Variants in NEB observed in about 807,000 individuals in gnomAD.
The protein encoded by NEB is nemaline myopathy type 2.
In NEB, 512 loss-of-function variants were observed where a neutral mutation model predicts 952.2. That is an observed-to-expected ratio of 0.54 (90% confidence interval 0.50 to 0.58). The LOEUF (loss-of-function observed/expected upper bound fraction) is 0.58. Ranked by LOEUF, NEB falls within the 20% of genes least tolerant of loss-of-function variation. NEB has a pLI of 0.00. For missense variants in NEB, 8,428 were observed against 9,231.1 expected (o/e 0.91, Z 3.56); for synonymous variants, 2,900 against 3,149.8 (o/e 0.92, Z 2.66).
chr2:151,723,750 GTTTT>G (rs11308757), intron 8 of NEB, among the ~76,000 whole-genome samples: 1 of 51,364 alleles, frequency 1.9e-5, no homozygotes, highest in Non-Finnish European at 3.7e-5. Flanking sequence ...TGCCTTCTTT[GTTTT>G]TTTTTTTTTT....
chr2:151,640,651 C>T lies in NEB; in HGVS notation c.8389G>A (p.Gly2797Ser). ...DIASEFKYKE[G>S]YRKQLGHHIG... ...TGGTGGCCGAGCTGCTTACGATAGC[C>T]TTCTTTGTACTTGAACTAAAAGAAG... The change falls in exon 61 of 182, where the codon GGC (glycine) becomes AGC (serine). Residue 2797 changes from glycine to serine, a missense_variant. Around this residue, in one of 11 missense-constraint regions of NEB, gnomAD observed 1,772 missense variants for 1,960.3 expected, o/e 0.90. Transcript: ENST00000397345. 6.2e-7 allele frequency: 1 copy of T among 1,609,936 alleles called. No homozygotes were observed. The highest frequency in any genetic ancestry group is 8.5e-7 in the Non-Finnish European group (1 of 1,177,126).
At chr2:151,568,292 C>T in intron 112 of NEB, 24 bp downstream of exon 112, 1 of 1,607,448 alleles carries the variant, frequency 6.2e-7, no homozygotes, top group South Asian at 1.1e-5. Flanking sequence ...ACACAAACAC[C>T]AGGCATGTGG....
chr2:151,490,236 A>C, intron 180 of NEB, 136 bp downstream of exon 180: 1 of 1,237,726 alleles, frequency 8.1e-7, no homozygotes, highest in Non-Finnish European at 1.1e-6. Flanking sequence ...GCAGCCCTCC[A>C]CAATTCTAGT....
Position 151,680,031 on chromosome 2 carries a change from G to A in NEB, c.3043-9C>T. The A allele has an allele frequency of 6.4e-7, 1 of 1,555,074 alleles. No individual in the cohort carries two copies. The highest frequency in any genetic ancestry group is 1.4e-5 in the African/African-American group (1 of 73,692). On this transcript the variant is annotated splice_polypyrimidine_tract_variant and intron_variant, in intron 30 of 181. Coordinates refer to ENST00000397345, the MANE Select transcript of NEB (RefSeq NM_001164508.2). ...TTGGCTTTGTAAGCGATCTGAAAGA[G>A]AAAAAAATGCATAAACAAACAAATA...
rs776689414 is a variant in NEB, at chr2:151,633,972, T to C, written c.9103-7A>G. On this transcript the variant is annotated splice_region_variant and splice_polypyrimidine_tract_variant and intron_variant, in intron 64 of 181. Coordinates refer to ENST00000397345, the MANE Select transcript of NEB (RefSeq NM_001164508.2). ...AACCATCTTTATATTTGTACTAAAA[T>C]GAAAATGCACAAATCAGGTTTTTAT... The C allele has an allele frequency of 1.6e-5, 26 of 1,609,002 alleles. No individual in the cohort carries two copies. The highest frequency in any genetic ancestry group is 2.2e-5 in the Non-Finnish European group (26 of 1,176,492).
rs189256996 is a variant in NEB at position 151,649,581 on chromosome 2, T to C, written c.7431+595A>G. 3.6e-3 allele frequency among the ~76,000 whole-genome samples: 552 copies of C among 152,346 alleles called. 3 individuals are homozygous for C. The highest frequency in any genetic ancestry group is 5.4e-3 in the Non-Finnish European group (369 of 68,038). The stretch of plus-strand genomic sequence containing the variant: ...CTTTTAGCTGAGCAGTGTTGAGTAA[T>C]CTTTCCCTTCTTTGCATATAATTAC... On this transcript the variant is annotated intron_variant, in intron 54 of 181. Transcript: ENST00000397345.
chr2:151,707,036 G>A, intron 12 of NEB, 39 bp from the exon 13 acceptor site: 1 of 1,343,772 alleles, frequency 7.4e-7, no homozygotes. Flanking sequence ...AACTCTATGG[G>A]TTATTTTTGC....
intron 105 of NEB, 25 bp from the exon 106 acceptor site, chr2:151,576,379 G>A (rs2096828191): frequency 6.4e-7 from 1 of 1,558,458 alleles, no homozygotes; most frequent in Non-Finnish European, 8.7e-7. Flanking sequence ...ACAGGTAGAA[G>A]CAGGGTTTGT....
chr2:151,610,665 A>G (rs751592907), intron 79 of NEB, 42 bp from the exon 80 acceptor site: 2 of 1,581,818 alleles, frequency 1.3e-6, no homozygotes, highest in Non-Finnish European at 1.7e-6. Flanking sequence ...AGAGTGTTTG[A>G]GGAAGGTAAT....
intron 64 of NEB, among the ~76,000 whole-genome samples, chr2:151,635,463 T>C (rs1350364970): frequency 6.6e-6 from 1 of 152,032 alleles, no homozygotes; most frequent in Admixed American, 6.5e-5. Flanking sequence ...AACCAGCACT[T>C]TGGGAGCCTG....
chr2:151,619,988 A>T (rs1443481226), intron 72 of NEB, among the ~76,000 whole-genome samples: 3 of 152,178 alleles, frequency 2.0e-5, no homozygotes, highest in Admixed American at 2.0e-4. Flanking sequence ...TTGGCAAAAA[A>T]TGATAAAAAG....
At chr2:151,733,327 T>A in intron 2 of NEB, 142 bp from the exon 3 acceptor site, 1 of 614,884 alleles carries the variant, frequency 1.6e-6, no homozygotes, top group Non-Finnish European at 2.7e-6. Context: ...AGAGAAGACA[T>A]TTAAAATACA....
intron 13 of NEB, among the ~76,000 whole-genome samples, chr2:151,705,525 A>G (rs2099702062): frequency 6.6e-6 from 1 of 152,210 alleles, no homozygotes; most frequent in Non-Finnish European, 1.5e-5. Flanking sequence ...GAGATTCCTT[A>G]AAGAACTGAA....
At chr2:151,658,327 A>G (rs2099109150) in intron 47 of NEB, among the ~76,000 whole-genome samples, 1 of 152,200 alleles carries the variant, frequency 6.6e-6, no homozygotes, top group Admixed American at 6.5e-5. Flanking sequence ...ACTGGTCTCT[A>G]TTAGGTTGTA....
intron 26 of NEB, 41 bp downstream of exon 26, chr2:151,687,585 G>A (rs530496513): frequency 9.3e-6 from 15 of 1,613,162 alleles, no homozygotes; most frequent in Non-Finnish European, 1.3e-5. Context: ...TGTCCCCAAG[G>A]CCACCCTGTC....
chr2:151,554,857 A>G (rs2095545888), intron 125 of NEB, 74 bp downstream of exon 125: 28 of 1,100,532 alleles, frequency 2.5e-5, no homozygotes, highest in Admixed American at 5.1e-5. Context: ...TTAGCACAAC[A>G]ATGAAATCAC....
chr2:151,610,685 C>G, intron 79 of NEB, 62 bp from the exon 80 acceptor site: 1 of 1,575,378 alleles, frequency 6.3e-7, no homozygotes, highest in South Asian at 1.1e-5. Context: ...TAGGCCAATT[C>G]CAGAAAGGAA....
In NEB at chr2:151,656,242, T is replaced by C; in HGVS notation, c.6406A>G (p.Asn2136Asp). Reference protein sequence around the residue: ...KDAQANITNTNYKHLIHKYIL... With the variant: ...KDAQANITNTDYKHLIHKYIL... ...TACTTGTGAATCAGGTGCTTGTAGT[T>C]AGTGTTGGTGATGTTGGCTTGGGCA... Residue 2136 changes from asparagine to aspartate, a missense_variant, in exon 49 of 182, where the codon AAC becomes GAC. This residue lies in a region of NEB where 2,851 missense variants were observed against 2,791.5 expected (regional missense o/e 1.02). Coordinates refer to ENST00000397345, the MANE Select transcript of NEB (RefSeq NM_001164508.2). The C allele has an allele frequency of 6.2e-7, 1 of 1,613,532 alleles. No homozygotes were observed. The highest frequency in any genetic ancestry group is 8.5e-7 in the Non-Finnish European group (1 of 1,179,648).
intron 29 of NEB, among the ~76,000 whole-genome samples, chr2:151,682,075 A>G (rs2099417926): frequency 1.3e-5 from 2 of 152,176 alleles, no homozygotes; most frequent in South Asian, 4.1e-4. Context: ...TTTACTTAAT[A>G]ATTTTTAAAA....
Sources: gnomAD v4.1 joint callset for allele counts (sites outside exome capture counted in the v4.1 genomes callset) on GRCh38, gnomAD v4.1.1 for gene constraint, gnomAD v4.1.1 regional missense constraint, MANE v1.5 for transcripts, NCBI Gene and HGNC (gene_info 2026-07-23, HGNC 2026-07-21) for gene names.